Variants in IRF2 observed in about 807,000 individuals in gnomAD.
IRF2 encodes the protein interferon regulatory factor 2.
IRF2 carries 15 observed loss-of-function variants against 40.6 expected under a neutral mutation model. The observed-to-expected ratio is 0.37, with a 90% confidence interval of 0.25 to 0.57. The LOEUF (loss-of-function observed/expected upper bound fraction) is 0.57. Ranked by LOEUF, IRF2 falls within the 20% of genes least tolerant of loss-of-function variation. The pLI, the probability that IRF2 is intolerant of heterozygous loss-of-function variation, is 0.77. For synonymous variants in IRF2, 151 were observed against 165.5 expected, an observed-to-expected ratio of 0.91 and a Z score of 0.67; for missense variants, 317 against 455.7, an observed-to-expected ratio of 0.70 and a Z score of 2.77.
Position 184,388,466 on chromosome 4 carries a change from C to G in IRF2, c.*292G>C, listed in dbSNP as rs141294569. On this transcript the variant is annotated 3_prime_UTR_variant, in exon 9 of 9. Transcript: ENST00000393593. The surrounding 1 kb of genome is among the most constrained non-coding windows in gnomAD (Gnocchi z 4.6). ...TGAGGCATCCACTCCACCTTGCTGG[C>G]CTTGACCGCAGGCAATGCAGCACCT... The G allele has an allele frequency of 3.6e-4, 148 of 410,450 alleles. 2 individuals carry two copies. The highest frequency in any genetic ancestry group is 5.3e-4 in the Non-Finnish European group (123 of 230,014). The allele number at this position is 410,450 out of a possible 1,614,324, so 25.4% of individuals were successfully genotyped here.
At position 184,449,732 on chromosome 4, in the gene IRF2, A is replaced by G. The variant is rs193260174; in HGVS notation, c.-6-20662T>C. On this transcript the variant is annotated intron_variant, in intron 1 of 8. Coordinates refer to ENST00000393593, the MANE Select transcript of IRF2 (RefSeq NM_002199.4). ...TTAAATGACTTTAGGTTTTCAAGAT[A>G]CAATCTGGAATGTTGTTTATGTAGA... Among the ~76,000 whole-genome samples the G allele has an allele frequency of 2.0e-3, 304 of 152,382 alleles. 1 individual carries two copies. Among genetic ancestry groups the G allele is most frequent in the Non-Finnish European group, 3.7e-3 (252 of 68,030 alleles).
chr4:184,428,772 G>A (rs184407870), intron 2 of IRF2: 42 of 589,074 alleles, frequency 7.1e-5, no homozygotes, highest in East Asian at 3.1e-4. Flanking sequence ...GCACTCCAGC[G>A]TGGGCCATAT....
At chr4:184,418,264 GA>G (rs775403969) in intron 4 of IRF2, 51 bp from the exon 5 acceptor site, 18 of 1,354,998 alleles carry the variant, frequency 1.3e-5, no homozygotes, top group Non-Finnish European at 2.1e-6. Context: ...GGCCTCCAGA[GA>G]AACATTTCCC....
chr4:184,468,345 G>A lies in IRF2; in HGVS notation c.-7+6034C>T, dbSNP rs976764350. ...CTACTAAAAATACAAAAATTAGCCC[G>A]GCGTGGTGGCATATGCCTGTAATCC... On this transcript the variant is annotated intron_variant, in intron 1 of 8. Coordinates refer to ENST00000393593, the MANE Select transcript of IRF2 (RefSeq NM_002199.4). 2.0e-5 allele frequency among the ~76,000 whole-genome samples: 3 copies of A among 152,068 alleles called. No individual in the cohort carries two copies. The South Asian group carries it at 6.2e-4, about 32-fold the overall frequency.
chr4:184,398,183 C>T (rs753630680), intron 7 of IRF2, among the ~76,000 whole-genome samples: 9 of 152,192 alleles, frequency 5.9e-5, no homozygotes, highest in Admixed American at 1.3e-4. Context: ...CGACCCTGCG[C>T]AAGCCCCTTC....
intron 1 of IRF2, chr4:184,471,898 T>C (rs1209244047): frequency 6.6e-6 from 1 of 152,200 alleles, no homozygotes; most frequent in East Asian, 1.9e-4. Context: ...ACTGGAACTT[T>C]CTCTAACAAA....
intron 1 of IRF2, among the ~76,000 whole-genome samples, chr4:184,456,701 G>T (rs1318014065): frequency 6.6e-6 from 1 of 152,244 alleles, no homozygotes; most frequent in Non-Finnish European, 1.5e-5. Context: ...GCGCCTCTGT[G>T]TCTGGACAGC....
In IRF2 at chr4:184,419,579, A is replaced by G. The variant is rs2149900611; in HGVS notation, c.88-11T>C. The G allele has an allele frequency of 6.4e-7, 1 of 1,566,050 alleles. No individual in the cohort carries two copies. ...AAAAATCTTCTTTTCCTGAAAAAAAAAAAAAAAAAAAAGGTAAAGAACTGG... is the reference window on the plus strand; with the variant it reads ...AAAAATCTTCTTTTCCTGAAAAAAAGAAAAAAAAAAAAGGTAAAGAACTGG... On this transcript the variant is annotated splice_polypyrimidine_tract_variant and intron_variant, in intron 2 of 8. Transcript: ENST00000393593.
At chr4:184,440,592 G>A (rs1002630925) in intron 1 of IRF2, among the ~76,000 whole-genome samples, 2 of 152,234 alleles carry the variant, frequency 1.3e-5, no homozygotes, top group Admixed American at 1.3e-4. Context: ...CAGATGGGCG[G>A]CTGATCGCCT....
In IRF2 at chr4:184,439,981, T is replaced by C. The variant is rs1029354848; in HGVS notation, c.-6-10911A>G. On this transcript the variant is annotated intron_variant, in intron 1 of 8. Transcript: ENST00000393593. ...CCAGAGATCAAGCCTTAAAAATACA[T>C]GCAGTGTGTTAACGTTCACCCAGAT... is the stretch of plus-strand genomic sequence containing the variant. 5.3e-5 allele frequency among the ~76,000 whole-genome samples: 8 copies of C among 152,300 alleles called. No individual in the cohort carries two copies. In the South Asian group the frequency reaches 1.2e-3, roughly 24 times the overall value.
At chr4:184,402,090 A>G (rs1736686817) in intron 6 of IRF2, among the ~76,000 whole-genome samples, 1 of 152,258 alleles carries the variant, frequency 6.6e-6, no homozygotes, top group South Asian at 2.1e-4. Flanking sequence ...AGATCGATGC[A>G]GTCAAGGATC....
chr4:184,392,727 C>A (rs914596786), intron 7 of IRF2, among the ~76,000 whole-genome samples: 2 of 152,230 alleles, frequency 1.3e-5, no homozygotes, highest in African/African-American at 4.8e-5. Flanking sequence ...GCCACAGGTG[C>A]ATTCCTTAAA....
chr4:184,430,908 C>T (rs1320051467), intron 1 of IRF2, among the ~76,000 whole-genome samples: 1 of 152,128 alleles, frequency 6.6e-6, no homozygotes, highest in Non-Finnish European at 1.5e-5. Context: ...GCTACCCAGG[C>T]TGGTCTCAAA....
At chr4:184,473,502 G>T (rs940652905) in intron 1 of IRF2, among the ~76,000 whole-genome samples, 1 of 147,718 alleles carries the variant, frequency 6.8e-6, no homozygotes, top group African/African-American at 2.4e-5. Context: ...TGGGACAAGT[G>T]CAATGACAAA....
At chr4:184,411,614 G>A (rs1737077112) in intron 5 of IRF2, among the ~76,000 whole-genome samples, 1 of 152,144 alleles carries the variant, frequency 6.6e-6, no homozygotes, top group Non-Finnish European at 1.5e-5. Context: ...CATCCAGGGT[G>A]CAGAACAGGC....
chr4:184,457,457 A>G (rs192968669), intron 1 of IRF2, among the ~76,000 whole-genome samples: 123 of 152,292 alleles, frequency 8.1e-4, no homozygotes, highest in African/African-American at 2.9e-3. Flanking sequence ...GGGTCTTGCC[A>G]TTATCCTTGA....
rs1318055045 is a variant in IRF2 at position 184,413,053 on chromosome 4, G to A, written c.412-4778C>T. On this transcript the variant is annotated intron_variant, in intron 5 of 8. Coordinates refer to ENST00000393593, the MANE Select transcript of IRF2 (RefSeq NM_002199.4). The surrounding 1 kb of genome is among the most constrained non-coding windows in gnomAD (Gnocchi z 4.2). ...TGCATTCCCAACACTCGCTTCTGAAGGTGCAAAACGCCGGGGCCTCCTCTT... is the reference window on the plus strand; with the variant it reads ...TGCATTCCCAACACTCGCTTCTGAAAGTGCAAAACGCCGGGGCCTCCTCTT... Among the ~76,000 whole-genome samples the A allele has an allele frequency of 6.6e-6, 1 of 152,082 alleles. No homozygotes were observed. The highest frequency in any genetic ancestry group is 1.5e-5 in the Non-Finnish European group (1 of 68,018).
chr4:184,443,787 GA>G (rs1383630995), intron 1 of IRF2, among the ~76,000 whole-genome samples: 1 of 152,138 alleles, frequency 6.6e-6, no homozygotes, highest in African/African-American at 2.4e-5. Flanking sequence ...AGAAATCCAG[GA>G]GACAGTTTTA....
At chr4:184,421,979 G>A (rs1041056760) in intron 2 of IRF2, among the ~76,000 whole-genome samples, 9 of 152,284 alleles carry the variant, frequency 5.9e-5, no homozygotes, top group African/African-American at 2.2e-4. Flanking sequence ...AGAATGGCTT[G>A]GTGTCGTTCT....
Sources: gnomAD v4.1 joint callset for allele counts (sites outside exome capture counted in the v4.1 genomes callset) on GRCh38, gnomAD v4.1.1 for gene constraint, Gnocchi (gnomAD v3.1) non-coding constraint, MANE v1.5 for transcripts, NCBI Gene and HGNC (gene_info 2026-07-23, HGNC 2026-07-21) for gene names.